Variants in GLT1D1 observed in about 807,000 individuals in gnomAD.
The protein encoded by GLT1D1 is glycosyltransferase 1 domain containing 1.
Under a neutral mutation model 28.7 loss-of-function variants are expected in GLT1D1, and 21 were observed. The observed-to-expected ratio is 0.73, with a 90% confidence interval of 0.52 to 1.05. The LOEUF (loss-of-function observed/expected upper bound fraction) is 1.05. GLT1D1 is among the 50% of genes least tolerant of loss of function. GLT1D1 has a pLI of 0.00. For synonymous variants in GLT1D1, 147 were observed against 124.8 expected (o/e 1.18, Z -1.19); for missense variants, 343 against 330.6 (o/e 1.04, Z -0.29).
chr12:128,945,065 G>A lies in GLT1D1; in HGVS notation c.376-261G>A, dbSNP rs188352151. On this transcript the variant is annotated intron_variant, in intron 4 of 7. Coordinates refer to ENST00000281703, the MANE Select transcript of GLT1D1 (RefSeq NM_144669.3). ...TGTAACAGGCCAATTTCTGCGCCCC[G>A]CAGCATGTTGTCCCGGAGCAGGTCC... 2.2e-4 allele frequency: 143 copies of A among 657,124 alleles called. 1 individual carries two copies. The highest frequency in any genetic ancestry group is 6.5e-4 in the Admixed American group (24 of 37,084). 40.7% of individuals were successfully genotyped at this position (657,124 alleles called of 1,614,324 possible).
intron 3 of GLT1D1, among the ~76,000 whole-genome samples, chr12:128,895,726 T>G (rs1438759723): frequency 6.6e-6 from 1 of 152,100 alleles, no homozygotes; most frequent in Non-Finnish European, 1.5e-5. Context: ...CCCAAAGTGC[T>G]GAGATTACAG....
intron 4 of GLT1D1, among the ~76,000 whole-genome samples, chr12:128,920,244 G>C (rs1430227904): frequency 6.6e-6 from 1 of 152,102 alleles, no homozygotes; most frequent in Admixed American, 6.5e-5. Context: ...GTAATAACAA[G>C]TGAAAAATAA....
At chr12:128,951,201 G>C (rs1236920522) in intron 6 of GLT1D1, among the ~76,000 whole-genome samples, 2 of 152,034 alleles carry the variant, frequency 1.3e-5, no homozygotes, top group East Asian at 3.9e-4. Flanking sequence ...TCAGGAGTTC[G>C]AGACCAGCCT....
chr12:128,867,747 C>T (rs554979094), intron 1 of GLT1D1, among the ~76,000 whole-genome samples: 16 of 152,048 alleles, frequency 1.1e-4, no homozygotes, highest in Non-Finnish European at 2.4e-4. Flanking sequence ...GACTGGGGGA[C>T]GGGAGTGGTT....
intron 4 of GLT1D1, among the ~76,000 whole-genome samples, chr12:128,930,908 AGAGAC>A (rs2135925992): frequency 6.6e-6 from 1 of 151,996 alleles, no homozygotes; most frequent in South Asian, 2.1e-4. Flanking sequence ...GTCTTTTAGG[AGAGAC>A]GACCGTTGTT....
intron 4 of GLT1D1, among the ~76,000 whole-genome samples, chr12:128,909,662 G>A (rs1593118365): frequency 6.6e-6 from 1 of 152,150 alleles, no homozygotes; most frequent in African/African-American, 2.4e-5. Context: ...TGAATCTCTG[G>A]CTTATGTTTA....
At chr12:128,926,804 C>T (rs10773585) in intron 4 of GLT1D1, among the ~76,000 whole-genome samples, 71,314 of 152,044 alleles carry the variant, frequency 0.47, 18,649 homozygotes, top group Non-Finnish European at 0.6. Context: ...GTAATCGATA[C>T]AGTCTTGGTA....
chr12:128,869,148 C>T (rs1161629996), intron 1 of GLT1D1, among the ~76,000 whole-genome samples: 1 of 152,132 alleles, frequency 6.6e-6, no homozygotes, highest in East Asian at 1.9e-4. Flanking sequence ...GGAATACAGG[C>T]GTGAGCCACC....
rs1408376678 is a variant in GLT1D1 at position 128,947,227 on chromosome 12, G to A, written c.420-111G>A. 1.4e-5 allele frequency: 17 copies of A among 1,215,890 alleles called. No individual in the cohort carries two copies. The African/African-American group carries it at 2.4e-4, about 17-fold the overall frequency. The allele number at this position is 1,215,890 out of a possible 1,614,324, so 75.3% of individuals were successfully genotyped here. On this transcript the variant is annotated intron_variant, in intron 5 of 7. Coordinates refer to ENST00000281703, the MANE Select transcript of GLT1D1 (RefSeq NM_144669.3). ...CCTGGCTGAACGCTTGGTCAACAAT[G>A]CTTACTTGCTGATCTAGAGTATTAC...
chr12:128,951,319 C>T (rs373166488), intron 6 of GLT1D1, among the ~76,000 whole-genome samples: 37 of 152,262 alleles, frequency 2.4e-4, no homozygotes, highest in East Asian at 1.4e-3. Context: ...AGGAGAATTG[C>T]TGGAACCTGG....
intron 1 of GLT1D1, among the ~76,000 whole-genome samples, chr12:128,874,104 C>T (rs1176310413): frequency 3.1e-3 from 140 of 45,668 alleles, no homozygotes; most frequent in South Asian, 7.4e-3. Context: ...TTCTTTCTCT[C>T]TCTCTCTCTC....
chr12:128,941,732 C>G (rs1277364965), intron 4 of GLT1D1, among the ~76,000 whole-genome samples: 1 of 151,624 alleles, frequency 6.6e-6, no homozygotes, highest in Non-Finnish European at 1.5e-5. Flanking sequence ...ACTCTACCCC[C>G]ACGCCCAGTC....
intron 4 of GLT1D1, among the ~76,000 whole-genome samples, chr12:128,909,215 AAAAAG>A (rs146404437): frequency 2.2e-4 from 34 of 151,840 alleles, no homozygotes; most frequent in African/African-American, 7.0e-4. Context: ...TTCCTAGTAA[AAAAAG>A]AAAAGAAAAG....
intron 1 of GLT1D1, among the ~76,000 whole-genome samples, chr12:128,874,110 C>CTT (rs1956793363): frequency 1.8e-5 from 1 of 54,716 alleles, no homozygotes; most frequent in African/African-American, 8.7e-5. Flanking sequence ...CTCTCTCTCT[C>CTT]TCTCTCTCTC....
chr12:128,905,333 GC>G (rs1264985120), intron 4 of GLT1D1, among the ~76,000 whole-genome samples: 290 of 152,344 alleles, frequency 1.9e-3, no homozygotes, highest in African/African-American at 6.0e-3. Context: ...CAGCCACGTG[GC>G]CACGTGTGGC....
intron 4 of GLT1D1, chr12:128,930,510 T>G (rs1873742454): frequency 6.6e-6 from 1 of 152,232 alleles, no homozygotes; most frequent in South Asian, 2.1e-4. Context: ...ACGGTGCAAG[T>G]GCATGCGACT....
chr12:128,906,787 G>T (rs1409183017), intron 4 of GLT1D1: 250 of 387,356 alleles, frequency 6.5e-4, no homozygotes, highest in Middle Eastern at 1.4e-3. Flanking sequence ...TATCTACTTT[G>T]CCTTGGCACT....
chr12:128,931,495 C>CG (rs796556479), intron 4 of GLT1D1, among the ~76,000 whole-genome samples: 33 of 149,632 alleles, frequency 2.2e-4, no homozygotes, highest in African/African-American at 7.1e-4. Flanking sequence ...TTAGTAGAGA[C>CG]GGGGGTTTCA....
intron 1 of GLT1D1, among the ~76,000 whole-genome samples, chr12:128,868,943 C>T (rs1956615250): frequency 6.6e-6 from 1 of 152,148 alleles, no homozygotes; most frequent in Admixed American, 6.5e-5. Context: ...GATCTTAGCT[C>T]ACTGCAACCA....
Sources: gnomAD v4.1 joint callset for allele counts (sites outside exome capture counted in the v4.1 genomes callset) on GRCh38, gnomAD v4.1.1 for gene constraint, MANE v1.5 for transcripts, NCBI Gene and HGNC (gene_info 2026-07-23, HGNC 2026-07-21) for gene names.